Variants in NUDC observed in about 807,000 individuals in gnomAD.
The protein encoded by NUDC is nuclear migration protein nudC.
NUDC carries 14 observed loss-of-function variants against 45.0 expected under a neutral mutation model. The observed-to-expected ratio is 0.31, with a 90% CI of 0.21 to 0.49. The LOEUF (loss-of-function observed/expected upper bound fraction) is 0.49, where lower values mean the gene tolerates loss of function less well. Ranked by LOEUF, NUDC falls within the 20% of genes least tolerant of loss-of-function variation. The probability of loss-of-function intolerance (pLI) is 0.99; values close to 1 mark genes in which losing one functional copy is unlikely to be tolerated. For missense variants in NUDC, 323 were observed against 426.2 expected (o/e 0.76, Z 2.13); for synonymous variants, 153 against 156.7 (o/e 0.98, Z 0.17).
chr1:26,902,978 A>G (rs2081986904), intron 2 of NUDC, among the ~76,000 whole-genome samples: 1 of 151,790 alleles, frequency 6.6e-6, no homozygotes, highest in South Asian at 2.1e-4. Context: ...TGAACCCAGG[A>G]GGCGGAGGTT....
intron 6 of NUDC, among the ~76,000 whole-genome samples, chr1:26,944,494 G>A (rs2082303707): frequency 1.3e-5 from 2 of 152,134 alleles, no homozygotes. Context: ...CACTGCACCT[G>A]GCACTTCCCT....
chr1:26,908,668 C>T (rs1188806444), intron 2 of NUDC, among the ~76,000 whole-genome samples: 1 of 151,894 alleles, frequency 6.6e-6, no homozygotes, highest in Non-Finnish European at 1.5e-5. Context: ...AGTGATCCTC[C>T]CACTTCAGCC....
At chr1:26,928,378 G>C (rs573900820) in intron 2 of NUDC, among the ~76,000 whole-genome samples, 2 of 152,136 alleles carry the variant, frequency 1.3e-5, no homozygotes, top group African/African-American at 4.8e-5. Flanking sequence ...TAGAAAACTG[G>C]AAGCTATAAA....
upstream of NUDC, among the ~76,000 whole-genome samples, chr1:26,920,776 CA>C (rs758430801): frequency 8.6e-4 from 115 of 133,638 alleles, no homozygotes; most frequent in Middle Eastern, 3.9e-3. Flanking sequence ...AAACAAAAAA[CA>C]AAAAAAAAAA....
chr1:26,932,671 C>A (rs1416026788), intron 2 of NUDC, among the ~76,000 whole-genome samples: 1 of 152,084 alleles, frequency 6.6e-6, no homozygotes, highest in Non-Finnish European at 1.5e-5. Context: ...AGTGAACTTA[C>A]ACTAAGAAAC....
chr1:26,920,754 C>T (rs1351448357), upstream of NUDC, among the ~76,000 whole-genome samples: 3 of 147,932 alleles, frequency 2.0e-5, no homozygotes, highest in Non-Finnish European at 4.5e-5. Context: ...TCCATCTCTA[C>T]CAAAAAACAA....
intron 6 of NUDC, 88 bp downstream of exon 6, chr1:26,943,153 G>C: frequency 7.6e-7 from 1 of 1,315,794 alleles, no homozygotes; most frequent in Non-Finnish European, 1.1e-6. Flanking sequence ...GCCATGCTGG[G>C]GGCATTGTGG....
At chr1:26,911,973 G>C in intron 3 of NUDC, 2 of 1,614,232 alleles carry the variant, frequency 1.2e-6, no homozygotes, top group East Asian at 4.5e-5. Flanking sequence ...AGGAGGACAC[G>C]GGTCAGGCGG....
At chr1:26,906,665 T>C (rs1165674795) in intron 2 of NUDC, among the ~76,000 whole-genome samples, 1 of 150,796 alleles carries the variant, frequency 6.6e-6, no homozygotes, top group East Asian at 2.0e-4. Context: ...CTGGCTAACA[T>C]GGTGAAACCC....
intron 2 of NUDC, among the ~76,000 whole-genome samples, chr1:26,927,468 G>C (rs2082143946): frequency 6.7e-6 from 1 of 149,698 alleles, no homozygotes; most frequent in Non-Finnish European, 1.5e-5. Flanking sequence ...AGCGATCTCA[G>C]CTCACTGCAA....
intron 2 of NUDC, among the ~76,000 whole-genome samples, chr1:26,933,650 GT>G (rs1188557708): frequency 6.6e-6 from 1 of 151,834 alleles, no homozygotes; most frequent in Non-Finnish European, 1.5e-5. Context: ...CTGACCTCAG[GT>G]GATCCACCCG....
intron 2 of NUDC, among the ~76,000 whole-genome samples, chr1:26,932,282 T>C (rs1368553549): frequency 1.1e-4 from 16 of 151,716 alleles, no homozygotes; most frequent in Non-Finnish European, 5.9e-5. Flanking sequence ...GTTCAAGCGA[T>C]TCTCCTGCCT....
intron 1 of NUDC, among the ~76,000 whole-genome samples, chr1:26,901,549 T>C (rs964490524): frequency 2.6e-5 from 4 of 151,702 alleles, no homozygotes; most frequent in Admixed American, 2.6e-4. Context: ...GGACTACAGG[T>C]GCGTGCCACC....
At chr1:26,920,714 G>GT (rs201171529), upstream of NUDC, among the ~76,000 whole-genome samples, 9,684 of 151,462 alleles carry the variant, frequency 0.064, 323 homozygotes, top group Non-Finnish European at 0.074. Context: ...TTGAGACCAG[G>GT]GTTTGAGACT....
At chr1:26,920,801 G>C (rs2082086640), upstream of NUDC, among the ~76,000 whole-genome samples, 1 of 151,674 alleles carries the variant, frequency 6.6e-6, no homozygotes, top group African/African-American at 2.4e-5. Context: ...AGCAGGGCGT[G>C]GTGATGTGAG....
At chr1:26,917,692 G>A (rs1032880355), upstream of NUDC, among the ~76,000 whole-genome samples, 19 of 150,856 alleles carry the variant, frequency 1.3e-4, no homozygotes, top group African/African-American at 3.9e-4. Flanking sequence ...ATTTGAGACC[G>A]GCCTGGCCAA....
chr1:26,919,540 A>G (rs968765531), upstream of NUDC, among the ~76,000 whole-genome samples: 5 of 152,172 alleles, frequency 3.3e-5, no homozygotes, highest in African/African-American at 1.2e-4. Flanking sequence ...AATCATTTAT[A>G]TTGGGATAAG....
chr1:26,907,200 T>C (rs1230080266), intron 2 of NUDC, among the ~76,000 whole-genome samples: 2 of 152,206 alleles, frequency 1.3e-5, no homozygotes, highest in Non-Finnish European at 2.9e-5. Context: ...GGAATGCCCA[T>C]CCCTTGGGTT....
At chr1:26,942,826 C>A (rs774766076) in intron 5 of NUDC, 45 bp from the exon 6 acceptor site, 4 of 1,613,928 alleles carry the variant, frequency 2.5e-6, no homozygotes, top group Non-Finnish European at 3.4e-6. Context: ...CCTGGGGTAC[C>A]AGCAGCACTT....
Sources: allele counts gnomAD v4.1 joint callset (sites outside exome capture counted in the v4.1 genomes callset), GRCh38; gene constraint gnomAD v4.1.1; transcripts MANE v1.5; gene names NCBI Gene and HGNC (gene_info 2026-07-23, HGNC 2026-07-21).